Variants in MEGF11 observed in about 807,000 individuals in gnomAD.
MEGF11 encodes the protein multiple EGF like domains 11.
In MEGF11, 126 loss-of-function variants were observed where a neutral mutation model predicts 146.6. The ratio of observed to expected loss-of-function variants is 0.86; its 90% CI spans 0.74 to 1.00. The LOEUF (loss-of-function observed/expected upper bound fraction) is 1.00, where lower values mean the gene tolerates loss of function less well. Ranked by LOEUF, MEGF11 falls within the 50% of genes least tolerant of loss-of-function variation. MEGF11 has a pLI of 0.00. For missense variants in MEGF11, 1,509 were observed against 1,521.2 expected (o/e 0.99, Z 0.13); for synonymous variants, 532 against 583.4 (o/e 0.91, Z 1.27).
chr15:66,208,470 A>C (rs752420666), intron 1 of MEGF11, among the ~76,000 whole-genome samples: 76 of 152,244 alleles, frequency 5.0e-4, no homozygotes, highest in Non-Finnish European at 9.0e-4. Flanking sequence ...TGATAAATGA[A>C]AAATGTATCA....
intron 4 of MEGF11, among the ~76,000 whole-genome samples, chr15:66,111,230 C>A (rs2087384542): frequency 6.6e-6 from 1 of 152,278 alleles, no homozygotes; most frequent in Non-Finnish European, 1.5e-5. Flanking sequence ...CCAGACATTA[C>A]ACAATTGTCA....
intron 1 of MEGF11, among the ~76,000 whole-genome samples, chr15:66,206,696 C>T (rs560010420): frequency 3.3e-5 from 5 of 152,030 alleles, no homozygotes; most frequent in African/African-American, 9.6e-5. Context: ...GTCAGGAGTT[C>T]GAGACAAGCC....
intron 1 of MEGF11, among the ~76,000 whole-genome samples, chr15:66,163,456 G>A (rs2141085168): frequency 6.6e-6 from 1 of 152,296 alleles, no homozygotes; most frequent in South Asian, 2.1e-4. Flanking sequence ...GGTAGATAGT[G>A]AGTTCTCCAT....
Position 65,957,713 on chromosome 15 carries a change from G to T in MEGF11, c.1121C>A (p.Pro374Gln), listed in dbSNP as rs1445266521. 6.2e-7 allele frequency: 1 copy of T among 1,613,630 alleles called. No individual in the cohort carries two copies. Among genetic ancestry groups the T allele is most frequent in the Non-Finnish European group, 8.5e-7 (1 of 1,179,880 alleles). The change falls in exon 10 of 26, where the codon CCA becomes CAA. Residue 374 changes from proline to glutamine, a missense_variant. Transcript: ENST00000395614. ...CDADNTISCH[P>Q]VTGACTCQPG... ...CTGGCAGGTACAAGCTCCAGTTACT[G>T]GGTGGCAGCTGCACAGATGAGAGAA...
At chr15:65,970,344 T>TG (rs936531615) in intron 8 of MEGF11, among the ~76,000 whole-genome samples, 5 of 152,142 alleles carry the variant, frequency 3.3e-5, no homozygotes, top group African/African-American at 1.2e-4. Flanking sequence ...ATTCAGGGCT[T>TG]GGGCCACTAG....
chr15:65,980,562 C>A (rs2081601550), intron 7 of MEGF11, among the ~76,000 whole-genome samples: 1 of 152,050 alleles, frequency 6.6e-6, no homozygotes, highest in Non-Finnish European at 1.5e-5. Context: ...CAACGCCTGG[C>A]TAATTTTTGT....
chr15:66,221,391 C>A (rs996346502), intron 1 of MEGF11, among the ~76,000 whole-genome samples: 41 of 152,072 alleles, frequency 2.7e-4, no homozygotes, highest in Non-Finnish European at 2.9e-5. Context: ...ATTATTCTAG[C>A]CTGCAAGCAT....
intron 10 of MEGF11, among the ~76,000 whole-genome samples, chr15:65,933,618 G>A (rs2079656997): frequency 6.6e-6 from 1 of 152,184 alleles, no homozygotes. Context: ...ATGGCTTTCT[G>A]CTTCCCAGAG....
intron 1 of MEGF11, among the ~76,000 whole-genome samples, chr15:66,202,792 G>T (rs1345492530): frequency 6.6e-6 from 1 of 152,214 alleles, no homozygotes; most frequent in Non-Finnish European, 1.5e-5. Flanking sequence ...GCGCCCACAG[G>T]CAGGTAAGTA....
chr15:66,102,433 C>CTTTT (rs753433380), intron 4 of MEGF11, among the ~76,000 whole-genome samples: 2 of 130,328 alleles, frequency 1.5e-5, no homozygotes, highest in Non-Finnish European at 3.2e-5. Flanking sequence ...TAAACATTTT[C>CTTTT]TTTTTTTTTT....
intron 10 of MEGF11, among the ~76,000 whole-genome samples, chr15:65,937,883 G>A (rs1394003554): frequency 6.6e-6 from 1 of 152,250 alleles, no homozygotes; most frequent in Admixed American, 6.5e-5. Context: ...TTTGTGAAAT[G>A]TACCAAACTG....
intron 1 of MEGF11, among the ~76,000 whole-genome samples, chr15:66,179,629 GA>G (rs1300514689): frequency 6.6e-6 from 1 of 152,082 alleles, no homozygotes; most frequent in Non-Finnish European, 1.5e-5. Context: ...GTGCAACCAG[GA>G]AAAACCTACC....
chr15:66,001,565 T>C (rs535386787), intron 5 of MEGF11, among the ~76,000 whole-genome samples: 2 of 151,802 alleles, frequency 1.3e-5, no homozygotes, highest in East Asian at 1.9e-4. Flanking sequence ...CTGGTGTCTC[T>C]CCTCTCTCTC....
intron 1 of MEGF11, among the ~76,000 whole-genome samples, chr15:66,235,810 G>A (rs1263202757): frequency 1.3e-5 from 2 of 152,152 alleles, no homozygotes; most frequent in African/African-American, 4.8e-5. Flanking sequence ...CTTCCCCACA[G>A]GTCAAGGAGA....
chr15:65,998,818 C>T (rs561181932), intron 5 of MEGF11, among the ~76,000 whole-genome samples: 5 of 152,312 alleles, frequency 3.3e-5, no homozygotes, highest in African/African-American at 1.2e-4. Flanking sequence ...CTTAGGATTT[C>T]TCATGACCTC....
chr15:65,919,219 C>T (rs772009900), intron 15 of MEGF11, among the ~76,000 whole-genome samples: 2 of 152,188 alleles, frequency 1.3e-5, no homozygotes, highest in Non-Finnish European at 2.9e-5. Context: ...ATAATACAGG[C>T]AATGGTGGAC....
chr15:66,112,030 G>A (rs1447002582), intron 4 of MEGF11, among the ~76,000 whole-genome samples: 4 of 150,978 alleles, frequency 2.6e-5, no homozygotes, highest in Non-Finnish European at 5.9e-5. Context: ...GTGTAGGGCC[G>A]CTGAACAATT....
intron 1 of MEGF11, among the ~76,000 whole-genome samples, chr15:66,226,642 T>C (rs145979046): frequency 1.7e-3 from 258 of 152,334 alleles, no homozygotes; most frequent in African/African-American, 5.3e-3. Flanking sequence ...ATTGTTAATC[T>C]CTTACTATAC....
intron 8 of MEGF11, among the ~76,000 whole-genome samples, chr15:65,967,558 T>C (rs2081147518): frequency 6.6e-6 from 1 of 152,084 alleles, no homozygotes; most frequent in African/African-American, 2.4e-5. Flanking sequence ...CAGTTGTCTA[T>C]GGTGAGGGTG....
Sources: allele counts gnomAD v4.1 joint callset (sites outside exome capture counted in the v4.1 genomes callset), GRCh38; gene constraint gnomAD v4.1.1; transcripts MANE v1.5; gene names NCBI Gene and HGNC (gene_info 2026-07-23, HGNC 2026-07-21).